Variants in PCDHA7 observed in about 807,000 individuals in gnomAD.
The protein encoded by PCDHA7 is protocadherin alpha 7.
Under a neutral mutation model 57.2 loss-of-function variants are expected in PCDHA7, and 37 were observed. That is an observed-to-expected ratio of 0.65 (90% CI 0.50 to 0.85). The LOEUF is 0.85. Ranked by LOEUF, PCDHA7 falls within the 40% of genes least tolerant of loss-of-function variation. The pLI, the probability that PCDHA7 is intolerant of heterozygous loss-of-function variation, is 0.00. For missense variants in PCDHA7, 1,188 were observed against 1,241.8 expected (o/e 0.96, Z 0.65); for synonymous variants, 553 against 558.8 (o/e 0.99, Z 0.15).
intron 1 of PCDHA7, among the ~76,000 whole-genome samples, chr5:140,921,151 ATT>A (rs11299094): frequency 0.33 from 49,606 of 151,532 alleles, 8,413 homozygotes; most frequent in East Asian, 0.53. Flanking sequence ...CAGCTAATGC[ATT>A]TTTTTTTTAA....
intron 1 of PCDHA7, among the ~76,000 whole-genome samples, chr5:140,941,550 C>T (rs1489599221): frequency 6.6e-6 from 1 of 151,776 alleles, no homozygotes; most frequent in Non-Finnish European, 1.5e-5. Flanking sequence ...CTCCTGACCT[C>T]GTGATCCATT....
At chr5:140,840,542 A>G (rs1776756307) in intron 1 of PCDHA7, among the ~76,000 whole-genome samples, 1 of 152,060 alleles carries the variant, frequency 6.6e-6, no homozygotes, top group South Asian at 2.1e-4. Context: ...TAACAAGCCA[A>G]TGATGGCAAT....
chr5:140,850,103 C>A lies in PCDHA7; in HGVS notation c.2355+13365C>A, dbSNP rs2150467019. On this transcript the variant is annotated intron_variant, in intron 1 of 3. Transcript: ENST00000525929. Reference sequence around the variant, plus strand: ...TGGAGCTGCTACAGTTCCAGGTGAGCGCGCGCGACGCGGGCGTGCCGCCTC... The same window carrying A: ...TGGAGCTGCTACAGTTCCAGGTGAGAGCGCGCGACGCGGGCGTGCCGCCTC... The A allele has an allele frequency of 1.7e-5, 27 of 1,595,988 alleles. 3 individuals are homozygous for A. The highest frequency in any genetic ancestry group is 2.2e-5 in the East Asian group (1 of 44,852).
chr5:140,888,088 C>G (rs941828532), intron 1 of PCDHA7, among the ~76,000 whole-genome samples: 3 of 151,906 alleles, frequency 2.0e-5, no homozygotes, highest in African/African-American at 4.8e-5. Flanking sequence ...ACATTTTTGT[C>G]CTTAGTTTGC....
chr5:140,953,913 G>A (rs2094950683), intron 1 of PCDHA7, among the ~76,000 whole-genome samples: 1 of 152,104 alleles, frequency 6.6e-6, no homozygotes, highest in African/African-American at 2.4e-5. Flanking sequence ...CATCCATTAG[G>A]TATTCTTCCT....
At position 140,849,549 on chromosome 5, in the gene PCDHA7, A is replaced by G. The variant is rs2150440230; in HGVS notation, c.2355+12811A>G. ...AAATGACAATGCTCCACAGTTGACT[A>G]TCAAAACGCTCTCGGTTCCTGTAAA... On this transcript the variant is annotated intron_variant, in intron 1 of 3. Transcript: ENST00000525929. 5 of 1,598,378 alleles carry G rather than the reference A, an allele frequency of 3.1e-6. 1 individual carries two copies. The South Asian group carries it at 3.3e-5, about 11-fold the overall frequency.
Position 140,849,718 on chromosome 5 carries a change from T to C in PCDHA7, c.2355+12980T>C, listed in dbSNP as rs2150446533. The C allele has an allele frequency of 2.5e-6, 4 of 1,598,570 alleles. 1 individual carries two copies. Among genetic ancestry groups the C allele is most frequent in the Non-Finnish European group, 3.4e-6 (4 of 1,168,006 alleles). On this transcript the variant is annotated intron_variant, in intron 1 of 3. Coordinates refer to ENST00000525929, the MANE Select transcript of PCDHA7 (RefSeq NM_018910.3). Reference sequence around the variant, plus strand: ...ACCTACAAGAATTACTACTCGTTGGTGCTGGACAGAGCTCTGGACCGCGAG... The same window carrying C: ...ACCTACAAGAATTACTACTCGTTGGCGCTGGACAGAGCTCTGGACCGCGAG...
chr5:140,851,692 A>T, intron 1 of PCDHA7: 1 of 939,600 alleles, frequency 1.1e-6, no homozygotes, highest in Non-Finnish European at 1.3e-6. Flanking sequence ...TCAGTGATAA[A>T]ATGATCAGCC....
At position 140,836,381 on chromosome 5, in the gene PCDHA7, G is replaced by T. The variant is rs2150259346; in HGVS notation, c.1998G>T (p.Leu666=). 8 of 1,613,746 alleles carry T rather than the reference G, an allele frequency of 5.0e-6. No homozygotes were observed. The highest frequency in any genetic ancestry group is 1.1e-5 in the South Asian group (1 of 91,078). Residue 666 remains leucine (L), a synonymous_variant, in exon 1 of 4, where the codon CTG becomes CTT. Transcript: ENST00000525929. ...CGCTGACAGCCACAGCCACCGTGCT[G>T]GTGTCGCTGGTGGAAAGCGGCCAGG... ...EPSLTATATV[L]VSLVESGQAP...
intron 3 of PCDHA7, among the ~76,000 whole-genome samples, chr5:140,990,137 G>C (rs548002411): frequency 2.0e-4 from 31 of 152,224 alleles, no homozygotes; most frequent in African/African-American, 7.2e-4. Context: ...TCAGACTCAA[G>C]AGGCATAATA....
In PCDHA7 at chr5:140,835,680, C is replaced by A. The variant is rs2150241824; in HGVS notation, c.1297C>A (p.Pro433Thr). ...GGTTACCGCGCGGGACGGGGGCTCGCCTTCTCTGTGGGCCACTGCTAGCGT... is the reference window on the plus strand; with the variant it reads ...GGTTACCGCGCGGGACGGGGGCTCGACTTCTCTGTGGGCCACTGCTAGCGT... ...LVVTARDGGS[P>T]SLWATASVSV... is the part of the protein sequence containing the mutation. The change falls in exon 1 of 4, where the codon CCT (proline) becomes ACT (threonine). Residue 433 changes from proline to threonine, a missense_variant. Coordinates refer to ENST00000525929, the MANE Select transcript of PCDHA7 (RefSeq NM_018910.3). The A allele has an allele frequency of 5.6e-6, 9 of 1,613,886 alleles. No homozygotes were observed. The Admixed American group carries it at 1.5e-4, about 27-fold the overall frequency.
chr5:140,872,447 C>T (rs555580142), intron 1 of PCDHA7, among the ~76,000 whole-genome samples: 10 of 152,054 alleles, frequency 6.6e-5, no homozygotes, highest in African/African-American at 2.2e-4. Flanking sequence ...GACAACATAG[C>T]GAGATCCTGT....
chr5:140,990,998 T>C (rs994699186), intron 3 of PCDHA7, among the ~76,000 whole-genome samples: 1 of 152,216 alleles, frequency 6.6e-6, no homozygotes, highest in Non-Finnish European at 1.5e-5. Flanking sequence ...CTACCATTTA[T>C]TGAGAACTGT....
intron 1 of PCDHA7, chr5:140,866,572 G>A (rs1184209628): frequency 1.3e-5 from 2 of 152,168 alleles, no homozygotes; most frequent in Non-Finnish European, 2.9e-5. Context: ...TGTTAATACA[G>A]TGGTTGGATA....
chr5:140,877,028 C>T (rs367864661), intron 1 of PCDHA7: 1 of 1,612,352 alleles, frequency 6.2e-7, no homozygotes, highest in Non-Finnish European at 8.5e-7. Flanking sequence ...AAGGTGTACG[C>T]GCTGCAGCCG....
intron 1 of PCDHA7, chr5:140,876,669 C>T: frequency 6.2e-7 from 1 of 1,614,186 alleles, no homozygotes; most frequent in Non-Finnish European, 8.5e-7. Context: ...AGCTGGTGTC[C>T]ACCTACAAGA....
chr5:140,866,649 T>G (rs1554160460), intron 1 of PCDHA7: 4 of 152,162 alleles, frequency 2.6e-5, no homozygotes, highest in African/African-American at 9.6e-5. Context: ...AAAATTTATT[T>G]ATGTGTTTTC....
intron 1 of PCDHA7, chr5:140,882,225 C>A (rs782533520): frequency 1.5e-5 from 23 of 1,559,462 alleles, no homozygotes; most frequent in Non-Finnish European, 1.8e-5. Flanking sequence ...TGAGGTAAGG[C>A]GTTGTATATA....
rs1294664970 is a variant in PCDHA7, at chr5:140,858,562, T to C, written c.2355+21824T>C. On this transcript the variant is annotated intron_variant, in intron 1 of 3. Transcript: ENST00000525929. Reference sequence around the variant, plus strand: ...CATTCCATTTATGCTTGAATATTTCTAGTGATACCTTTGTAATATAATTTA... The same window carrying C: ...CATTCCATTTATGCTTGAATATTTCCAGTGATACCTTTGTAATATAATTTA... 46 of 1,371,718 alleles carry C rather than the reference T, an allele frequency of 3.4e-5. 2 individuals carry two copies. Among genetic ancestry groups the C allele is most frequent in the Non-Finnish European group, 4.5e-5 (45 of 990,734 alleles). 85.0% of individuals were successfully genotyped at this position (1,371,718 alleles called of 1,614,324 possible).
Sources: gnomAD v4.1 joint callset for allele counts (sites outside exome capture counted in the v4.1 genomes callset) on GRCh38, gnomAD v4.1.1 for gene constraint, MANE v1.5 for transcripts, NCBI Gene and HGNC (gene_info 2026-07-23, HGNC 2026-07-21) for gene names.